Variants in PAK6 observed in about 807,000 individuals in gnomAD.
The protein encoded by PAK6 is p21 (RAC1) activated kinase 6.
Under a neutral mutation model 60.8 loss-of-function variants are expected in PAK6, and 33 were observed. The ratio of observed to expected loss-of-function variants is 0.54; its 90% CI spans 0.41 to 0.73. The LOEUF (loss-of-function observed/expected upper bound fraction) is 0.73. Among genes scored for constraint, PAK6 ranks in the 30% least tolerant of loss-of-function variants. The pLI, the probability that PAK6 is intolerant of heterozygous loss-of-function variation, is 0.00. For synonymous variants in PAK6, 404 were observed against 378.5 expected, an observed-to-expected ratio of 1.07 and a Z score of -0.78; for missense variants, 845 against 904.1, an observed-to-expected ratio of 0.93 and a Z score of 0.84.
intron 3 of PAK6, among the ~76,000 whole-genome samples, chr15:40,254,496 C>T (rs2038782775): frequency 6.6e-6 from 1 of 152,184 alleles, no homozygotes; most frequent in African/African-American, 2.4e-5. Context: ...CTGGCTTGGG[C>T]ATCAGAAACA....
chr15:40,275,719 T>C (rs1007726022), intron 10 of PAK6, among the ~76,000 whole-genome samples: 1 of 152,058 alleles, frequency 6.6e-6, no homozygotes, highest in Admixed American at 6.6e-5. Flanking sequence ...TAGAGCCAGA[T>C]CTGGATCACT....
chr15:40,247,556 G>C (rs1282655529), intron 2 of PAK6, among the ~76,000 whole-genome samples: 1 of 152,156 alleles, frequency 6.6e-6, no homozygotes, highest in East Asian at 1.9e-4. Flanking sequence ...CTTGTGTTTG[G>C]GGAGGATGGT....
rs2039419105 is a variant in PAK6 at position 40,275,280 on chromosome 15, G to GTTTTTTTTTTGTTTGTT, written c.1879-637_1879-636insGTTTGTTTTTTTTTTTT. Among the ~76,000 whole-genome samples the GTTTTTTTTTTGTTTGTT allele has an allele frequency of 1.6e-4, 9 of 56,510 alleles. 1 individual carries two copies. Among genetic ancestry groups the GTTTTTTTTTTGTTTGTT allele is most frequent in the Admixed American group, 5.7e-4 (2 of 3,534 alleles). The allele number at this position is 56,510 out of a possible 152,430, so 37.1% of individuals were successfully genotyped here. On this transcript the variant is annotated intron_variant, in intron 10 of 10. Transcript: ENST00000560346. ...GACTTGTTTGTTTCTGTTGTTGTTG[G>GTTTTTTTTTTGTTTGTT]TTTTTTTTTTTTTTTTTTTTTTGGA... is the stretch of plus-strand genomic sequence containing the variant.
At position 40,266,514 on chromosome 15, in the gene PAK6, C is replaced by G. The variant is rs754536039; in HGVS notation, c.858+19C>G. 20 of 1,573,334 alleles carry G rather than the reference C, an allele frequency of 1.3e-5. No individual in the cohort carries two copies. The South Asian group carries it at 2.3e-4, about 18-fold the overall frequency. The stretch of plus-strand genomic sequence containing the variant: ...GAGCAAGGTAAGTCAGGAGCCTGGC[C>G]TGCAGGTGTCCACTGGGGAGTGGGT... On this transcript the variant is annotated intron_variant, in intron 5 of 10. Transcript: ENST00000560346.
At chr15:40,239,934 A>C (rs1183802053) in intron 1 of PAK6, 132 bp downstream of exon 1, 2 of 152,406 alleles carry the variant, frequency 1.3e-5, no homozygotes, top group African/African-American at 4.8e-5. Context: ...GCTTGACAGG[A>C]GTTTATCCTA....
Position 40,264,774 on chromosome 15 carries a change from C to CT in PAK6, c.-5-5dup. On this transcript the variant is annotated splice_polypyrimidine_tract_variant and splice_region_variant and intron_variant, in intron 3 of 10. Transcript: ENST00000560346. Reference sequence around the variant, plus strand: ...GGAGGGAGCTCAACCTTACTCTGCACTTACAGGCACCATGTTCCGCAAGAA... The same window carrying CT: ...GGAGGGAGCTCAACCTTACTCTGCACTTTACAGGCACCATGTTCCGCAAGAA... The CT allele has an allele frequency of 6.2e-7, 1 of 1,613,360 alleles. No individual in the cohort carries two copies. Among genetic ancestry groups the CT allele is most frequent in the Non-Finnish European group, 8.5e-7 (1 of 1,179,810 alleles).
chr15:40,242,435 C>T (rs539722638), intron 2 of PAK6, among the ~76,000 whole-genome samples: 30 of 152,324 alleles, frequency 2.0e-4, no homozygotes, highest in Admixed American at 1.2e-3. Context: ...GCCCAGGCTG[C>T]GGAAGCAGTG....
intron 2 of PAK6, chr15:40,252,293 T>C: frequency 8.2e-7 from 1 of 1,222,520 alleles, no homozygotes; most frequent in Non-Finnish European, 1.0e-6. Context: ...GCTCAGCTGA[T>C]TCTCCAGGTC....
intron 3 of PAK6, chr15:40,264,524 C>T: frequency 1.7e-6 from 1 of 594,942 alleles, no homozygotes. Flanking sequence ...GGGGACTTGG[C>T]ACAGGCAAGA....
chr15:40,246,260 C>T (rs1595565272), intron 2 of PAK6: 1 of 152,414 alleles, frequency 6.6e-6, no homozygotes, highest in East Asian at 1.9e-4. Context: ...CCCTGTTCTT[C>T]AGGTGATCTT....
intron 2 of PAK6, among the ~76,000 whole-genome samples, chr15:40,243,261 G>A (rs2038406135): frequency 6.6e-6 from 1 of 152,328 alleles, no homozygotes; most frequent in Admixed American, 6.5e-5. Flanking sequence ...AGGAGGAGGT[G>A]AAGGCTCGGG....
intron 3 of PAK6, chr15:40,264,395 C>T: frequency 2.2e-6 from 1 of 463,466 alleles, no homozygotes. Flanking sequence ...ATAAAACAAG[C>T]TTGCTAACTT....
chr15:40,246,072 C>T (rs189613056), intron 2 of PAK6: 1 of 152,426 alleles, frequency 6.6e-6, no homozygotes, highest in African/African-American at 2.4e-5. Flanking sequence ...GCACCCAGGC[C>T]ACTCTTGGGG....
chr15:40,253,378 C>T (rs2038744372), intron 3 of PAK6, 89 bp downstream of exon 3: 3 of 417,904 alleles, frequency 7.2e-6, no homozygotes, highest in Admixed American at 2.6e-5. Context: ...GCAGGTGGCC[C>T]TCCTGGGCTG....
intron 2 of PAK6, among the ~76,000 whole-genome samples, chr15:40,244,373 G>A (rs563247381): frequency 2.0e-5 from 3 of 146,536 alleles, no homozygotes; most frequent in Middle Eastern, 3.2e-3. Flanking sequence ...TTCCATCTCA[G>A]AGACTTTTGT....
chr15:40,273,311 T>G (rs1404465698), intron 7 of PAK6, 35 bp from the exon 8 acceptor site: 2 of 1,606,376 alleles, frequency 1.2e-6, no homozygotes, highest in South Asian at 2.2e-5. Context: ...GAGCTAACGT[T>G]CTCTTTCATC....
chr15:40,257,314 C>A (rs1221053597), intron 3 of PAK6, among the ~76,000 whole-genome samples: 1 of 152,252 alleles, frequency 6.6e-6, no homozygotes, highest in Non-Finnish European at 1.5e-5. Context: ...TGGCTGCAAA[C>A]CCCTTTAGAC....
chr15:40,264,454 A>C, intron 3 of PAK6: 1 of 497,502 alleles, frequency 2.0e-6, no homozygotes, highest in South Asian at 1.5e-5. Context: ...CAGTGGAATG[A>C]TACTTGTAAT....
rs1555389202 is a variant in PAK6 at position 40,275,280 on chromosome 15, G to GTTTTTTTTTTTTTTGT, written c.1879-633_1879-632insGTTTTTTTTTTTTTTT. Among the ~76,000 whole-genome samples, 3 of 56,512 alleles carry GTTTTTTTTTTTTTTGT rather than the reference G, an allele frequency of 5.3e-5. 1 individual carries two copies. The highest frequency in any genetic ancestry group is 9.2e-5 in the Non-Finnish European group (3 of 32,504). The allele number at this position is 56,512 out of a possible 152,430, so 37.1% of individuals were successfully genotyped here. A position where few individuals can be genotyped will look rare whatever the true frequency, so the allele number is the denominator to read the frequency against. ...GACTTGTTTGTTTCTGTTGTTGTTG[G>GTTTTTTTTTTTTTTGT]TTTTTTTTTTTTTTTTTTTTTTGGA... is the stretch of plus-strand genomic sequence containing the variant. On this transcript the variant is annotated intron_variant, in intron 10 of 10. Transcript: ENST00000560346.
Sources: allele counts gnomAD v4.1 joint callset (sites outside exome capture counted in the v4.1 genomes callset), GRCh38; gene constraint gnomAD v4.1.1; transcripts MANE v1.5; gene names NCBI Gene and HGNC (gene_info 2026-07-23, HGNC 2026-07-21).